The following KCNU1 variants were observed in gnomAD, a reference collection of about 807,000 sequenced individuals.
The protein encoded by KCNU1 is potassium channel subfamily U member 1.
KCNU1 carries 93 observed loss-of-function variants against 126.8 expected under a neutral mutation model. The ratio of observed to expected loss-of-function variants is 0.73; its 90% CI spans 0.62 to 0.87. The LOEUF is 0.87. Among genes scored for constraint, KCNU1 ranks in the 40% least tolerant of loss-of-function variants. KCNU1 has a pLI of 0.00. For synonymous variants in KCNU1, 523 were observed against 494.2 expected (o/e 1.06, Z -0.77); for missense variants, 1,330 against 1,367.1 (o/e 0.97, Z 0.43).
rs1585564992 is a variant in KCNU1, at chr8:36,918,894, CTGAG to C, written c.2595_2596+2del. The stretch of plus-strand genomic sequence containing the variant: ...CCGAAAAGTCCCTATCCTTACTGAA[CTGAG>C]TAAGTGGTGTTTCGAGGGGAAAATT... On this transcript the variant is annotated splice_donor_variant and coding_sequence_variant, in exon 23 of 27. Transcript: ENST00000399881. LOFTEE classifies it high-confidence loss of function. 2 of 1,582,000 alleles carry C rather than the reference CTGAG, an allele frequency of 1.3e-6. No individual in the cohort carries two copies. Among genetic ancestry groups the C allele is most frequent in the South Asian group, 2.2e-5 (2 of 90,320 alleles).
chr8:36,915,003 G>A (rs2117552371), intron 22 of KCNU1, among the ~76,000 whole-genome samples: 1 of 152,312 alleles, frequency 6.6e-6, no homozygotes, highest in South Asian at 2.1e-4. Flanking sequence ...TCGAAAAGGA[G>A]ATGGAGTTAA....
Position 36,787,307 on chromosome 8 carries a change from A to T in KCNU1, c.197A>T (p.Glu66Val), listed in dbSNP as rs1022508125. The change falls in exon 2 of 27, where the codon GAA (glutamate) becomes GTA (valine). Residue 66 changes from glutamate (E) to valine (V), a missense_variant and splice_region_variant. Transcript: ENST00000399881. ...TCAATTTCTTTCTCTTGATTGTAGG[A>T]ACTGTTCACATCAGGTACCATCGCT... Reference protein sequence around the residue: ...QIIKGTGIILELFTSGTIARS... With the variant: ...QIIKGTGIILVLFTSGTIARS... 3 of 1,607,948 alleles carry T rather than the reference A, an allele frequency of 1.9e-6. No homozygotes were observed. The African/African-American group carries it at 4.0e-5, about 21-fold the overall frequency.
At chr8:36,800,084 A>G (rs935368225) in intron 2 of KCNU1, among the ~76,000 whole-genome samples, 3 of 152,048 alleles carry the variant, frequency 2.0e-5, no homozygotes, top group Non-Finnish European at 4.4e-5. Flanking sequence ...TAGAAACTCT[A>G]ATTGTAACTT....
At chr8:36,931,224 G>A (rs1463010521) in intron 25 of KCNU1, 79 bp downstream of exon 25, 5 of 857,682 alleles carry the variant, frequency 5.8e-6, no homozygotes, top group Non-Finnish European at 9.0e-6. Context: ...GGCTATTTGG[G>A]TTCATAGATG....
At chr8:36,898,690 A>G (rs1231519711) in intron 19 of KCNU1, among the ~76,000 whole-genome samples, 1 of 152,134 alleles carries the variant, frequency 6.6e-6, no homozygotes, top group Non-Finnish European at 1.5e-5. Flanking sequence ...CCAATACACA[A>G]AGAAAACCTT....
intron 19 of KCNU1, among the ~76,000 whole-genome samples, chr8:36,875,731 TA>T (rs1806257269): frequency 6.6e-6 from 1 of 152,198 alleles, no homozygotes; most frequent in Non-Finnish European, 1.5e-5. Flanking sequence ...ATAATATTTT[TA>T]TGAAAAATAT....
At chr8:36,873,589 A>T (rs1002668437) in intron 19 of KCNU1, among the ~76,000 whole-genome samples, 1 of 152,146 alleles carries the variant, frequency 6.6e-6, no homozygotes, top group African/African-American at 2.4e-5. Context: ...GGGTTAAGAA[A>T]AGGCACTTTT....
intron 26 of KCNU1, among the ~76,000 whole-genome samples, chr8:36,934,029 T>G (rs1190242349): frequency 6.6e-6 from 1 of 152,008 alleles, no homozygotes; most frequent in Non-Finnish European, 1.5e-5. Context: ...GAAGAAAGAT[T>G]GGAAATCCCA....
At chr8:36,898,578 GA>G (rs373024198) in intron 19 of KCNU1, among the ~76,000 whole-genome samples, 3,519 of 147,224 alleles carry the variant, frequency 0.024, 148 homozygotes, top group African/African-American at 0.081. Flanking sequence ...AAGGAAAAAA[GA>G]AAAAAAAAAT....
intron 9 of KCNU1, 121 bp downstream of exon 9, chr8:36,815,808 C>A: frequency 3.3e-6 from 2 of 606,180 alleles, no homozygotes; most frequent in Middle Eastern, 4.4e-4. Context: ...TCAGCAACAT[C>A]CCGTATTCAC....
chr8:36,833,702 G>A, intron 11 of KCNU1, 43 bp downstream of exon 11: 1 of 1,156,288 alleles, frequency 8.6e-7, no homozygotes, highest in Non-Finnish European at 1.3e-6. Flanking sequence ...TTCCTTAGTT[G>A]CAACAATTAA....
chr8:36,914,045 G>A (rs569505994), intron 22 of KCNU1, among the ~76,000 whole-genome samples: 1 of 152,220 alleles, frequency 6.6e-6, no homozygotes, highest in Admixed American at 6.5e-5. Context: ...CTTCACAGAA[G>A]CCTGTTTGGC....
At chr8:36,816,998 G>A (rs1175926987) in intron 9 of KCNU1, among the ~76,000 whole-genome samples, 2 of 152,102 alleles carry the variant, frequency 1.3e-5, no homozygotes, top group East Asian at 3.8e-4. Context: ...TAGGAATTAA[G>A]TGAAAAAATA....
chr8:36,852,766 A>G (rs1385161256), intron 18 of KCNU1, among the ~76,000 whole-genome samples: 1 of 152,012 alleles, frequency 6.6e-6, no homozygotes, highest in Admixed American at 6.5e-5. Context: ...AGTAGTACTA[A>G]TCTGTCTTTC....
chr8:36,918,561 GGAAAAAA>G (rs1373857690), intron 22 of KCNU1, among the ~76,000 whole-genome samples: 1 of 147,674 alleles, frequency 6.8e-6, no homozygotes, highest in Admixed American at 6.8e-5. Context: ...TTTCAAAAAA[GGAAAAAA>G]GAAAAAAGAA....
intron 24 of KCNU1, 54 bp from the exon 25 acceptor site, chr8:36,930,897 C>T: frequency 7.6e-7 from 1 of 1,322,112 alleles, no homozygotes; most frequent in Non-Finnish European, 1.0e-6. Flanking sequence ...TACCCCTCCA[C>T]AGTTCACATA....
intron 16 of KCNU1, among the ~76,000 whole-genome samples, chr8:36,842,511 A>G (rs905152247): frequency 6.6e-6 from 1 of 152,228 alleles, no homozygotes; most frequent in Non-Finnish European, 1.5e-5. Context: ...ATCTGCATAA[A>G]TGAGCCTCCT....
At chr8:36,910,553 G>A (rs1453715768) in intron 21 of KCNU1, among the ~76,000 whole-genome samples, 2 of 152,082 alleles carry the variant, frequency 1.3e-5, no homozygotes, top group African/African-American at 4.8e-5. Context: ...GCAATATTGT[G>A]AGGATGCACA....
chr8:36,863,796 C>T (rs907591879), intron 18 of KCNU1, among the ~76,000 whole-genome samples: 1 of 152,118 alleles, frequency 6.6e-6, no homozygotes, highest in Non-Finnish European at 1.5e-5. Flanking sequence ...TTTCAGCATT[C>T]TTGCATGTAT....
Sources: gnomAD v4.1 joint callset for allele counts (sites outside exome capture counted in the v4.1 genomes callset) on GRCh38, gnomAD v4.1.1 for gene constraint, MANE v1.5 for transcripts, NCBI Gene and HGNC (gene_info 2026-07-23, HGNC 2026-07-21) for gene names.